The following BCR variants were observed in gnomAD, a reference collection of about 807,000 sequenced individuals.
The protein encoded by BCR is breakpoint cluster region protein.
BCR carries 58 observed loss-of-function variants against 138.6 expected under a neutral mutation model. The ratio of observed to expected loss-of-function variants is 0.42; its 90% CI spans 0.34 to 0.52. The LOEUF (loss-of-function observed/expected upper bound fraction) is 0.52, where lower values mean the gene tolerates loss of function less well. Ranked by LOEUF, BCR falls within the 20% of genes least tolerant of loss-of-function variation. BCR has a pLI of 0.06. For missense variants in BCR, 1,599 were observed against 1,727.2 expected, an observed-to-expected ratio of 0.93 and a Z score of 1.32; for synonymous variants, 786 against 730.1, an observed-to-expected ratio of 1.08 and a Z score of -1.23.
In BCR at chr22:23,261,750, A is replaced by G. The variant is rs2073359511; in HGVS notation, c.1752+210A>G. On this transcript the variant is annotated intron_variant, in intron 4 of 22. Transcript: ENST00000305877. ...CCCAGCCTTTTTTTTTTTTTTTCTAATTTATATTTATTTAGATAGTTATTT... is the reference window on the plus strand; with the variant it reads ...CCCAGCCTTTTTTTTTTTTTTTCTAGTTTATATTTATTTAGATAGTTATTT... The G allele has an allele frequency of 1.2e-5, 4 of 333,618 alleles. No individual in the cohort carries two copies. In the South Asian group the frequency reaches 2.1e-4, roughly 17 times the overall value. 20.7% of individuals were successfully genotyped at this position (333,618 alleles called of 1,614,324 possible).
rs547345439 is a variant in BCR at position 23,294,827 on chromosome 22, G to A, written c.2881-197G>A. Reference sequence around the variant, plus strand: ...AGTCGGAGCTTCTGGAAGCATCCGGGCTGGGCCACGGTCTCATGCCAGGGG... The same window carrying A: ...AGTCGGAGCTTCTGGAAGCATCCGGACTGGGCCACGGTCTCATGCCAGGGG... On this transcript the variant is annotated intron_variant, in intron 15 of 22. Coordinates refer to ENST00000305877, the MANE Select transcript of BCR (RefSeq NM_004327.4). 3.9e-5 allele frequency among the ~76,000 whole-genome samples: 6 copies of A among 152,314 alleles called. No homozygotes were observed. In the East Asian group the frequency reaches 1.2e-3, roughly 29 times the overall value.
At chr22:23,206,521 G>C (rs1390721870) in intron 1 of BCR, among the ~76,000 whole-genome samples, 2 of 151,054 alleles carry the variant, frequency 1.3e-5, no homozygotes, top group Non-Finnish European at 2.9e-5. Flanking sequence ...AGCTTGCAGT[G>C]AGCCGAGATT....
In BCR at chr22:23,263,598, G is replaced by GC; in HGVS notation, c.1752+2059dup. 3 of 1,534,064 alleles carry GC rather than the reference G, an allele frequency of 2.0e-6. No homozygotes were observed. In the Admixed American group the frequency reaches 5.0e-5, roughly 26 times the overall value. ...CCGTCAGCCTCTGGGAGTCTGCTGGGCATGATGAGGACGTTTGCCACTTTG... is the reference window on the plus strand; with the variant it reads ...CCGTCAGCCTCTGGGAGTCTGCTGGGCCATGATGAGGACGTTTGCCACTTTG... On this transcript the variant is annotated intron_variant, in intron 4 of 22. Coordinates refer to ENST00000305877, the MANE Select transcript of BCR (RefSeq NM_004327.4).
chr22:23,212,865 T>C (rs2072702773), intron 1 of BCR, among the ~76,000 whole-genome samples: 1 of 152,262 alleles, frequency 6.6e-6, no homozygotes, highest in South Asian at 2.1e-4. Context: ...TTCTGAATAT[T>C]GCCCAGACCA....
intron 6 of BCR, 84 bp downstream of exon 6, chr22:23,271,676 C>T (rs1568966147): frequency 2.2e-6 from 3 of 1,379,880 alleles, no homozygotes; most frequent in East Asian, 4.6e-5. Flanking sequence ...AAAGCAGACA[C>T]AGTGCCCACT....
intron 10 of BCR, among the ~76,000 whole-genome samples, chr22:23,286,269 C>T (rs2073711326): frequency 6.6e-6 from 1 of 152,258 alleles, no homozygotes; most frequent in South Asian, 2.1e-4. Context: ...GAGGACAAGC[C>T]CCTCAATCAA....
At chr22:23,261,671 A>T (rs1187572450) in intron 4 of BCR, 131 bp downstream of exon 4, 2 of 941,382 alleles carry the variant, frequency 2.1e-6, no homozygotes, top group Non-Finnish European at 3.1e-6. Flanking sequence ...ACCTCAAGTG[A>T]TCCACCTGCC....
At chr22:23,283,707 C>T in intron 8 of BCR, 1 of 408,044 alleles carries the variant, frequency 2.5e-6, no homozygotes, top group Non-Finnish European at 4.4e-6. Context: ...CCCCCATCCT[C>T]CCACCCTCTT....
intron 13 of BCR, 181 bp from the exon 14 acceptor site, chr22:23,290,158 G>C: frequency 1.5e-6 from 1 of 683,518 alleles, no homozygotes; most frequent in East Asian, 2.5e-5. Context: ...TGGATCCTGA[G>C]ATCCCCAAGA....
At chr22:23,239,647 A>G (rs1343863965) in intron 1 of BCR, among the ~76,000 whole-genome samples, 6 of 152,184 alleles carry the variant, frequency 3.9e-5, no homozygotes, top group Non-Finnish European at 8.8e-5. Context: ...GTAACAAAGA[A>G]CCACAAACTG....
At chr22:23,294,525 C>T (rs1004785782) in intron 15 of BCR, among the ~76,000 whole-genome samples, 2 of 152,208 alleles carry the variant, frequency 1.3e-5, no homozygotes, top group African/African-American at 4.8e-5. Context: ...CTCAGCCTTA[C>T]AAGTAGCTGG....
chr22:23,289,464 G>T (rs2073757895), intron 12 of BCR, 53 bp from the exon 13 acceptor site: 1 of 1,478,976 alleles, frequency 6.8e-7, no homozygotes, highest in African/African-American at 1.4e-5. Context: ...GGAGGGGCCA[G>T]AGGGCCAAGG....
Position 23,290,259 on chromosome 22 carries a change from G to A in BCR, c.2708-80G>A. On this transcript the variant is annotated intron_variant, in intron 13 of 22. Transcript: ENST00000305877. ...GCCACACAGTGTCCACCGGATGGTTGATTTTGAAGCAGAGTTAGCTTGTCA... is the reference window on the plus strand; with the variant it reads ...GCCACACAGTGTCCACCGGATGGTTAATTTTGAAGCAGAGTTAGCTTGTCA... 2.8e-6 allele frequency: 4 copies of A among 1,429,748 alleles called. No individual in the cohort carries two copies. In the South Asian group the frequency reaches 3.4e-5, roughly 12 times the overall value. The allele number at this position is 1,429,748 out of a possible 1,614,324, so 88.6% of individuals were successfully genotyped here.
chr22:23,196,364 G>A (rs1229158287), intron 1 of BCR, among the ~76,000 whole-genome samples: 2 of 152,178 alleles, frequency 1.3e-5, no homozygotes, highest in Non-Finnish European at 2.9e-5. Flanking sequence ...GGCAGGTGGC[G>A]AGACTCTGTG....
intron 16 of BCR, among the ~76,000 whole-genome samples, chr22:23,299,315 C>G (rs995883776): frequency 2.6e-5 from 4 of 152,212 alleles, no homozygotes; most frequent in Middle Eastern, 3.2e-3. Context: ...GTAAGTTTCT[C>G]TCCTATGGGC....
In BCR at chr22:23,261,090, G is replaced by A. The variant is rs764892702; in HGVS notation, c.1566+36G>A. Reference sequence around the variant, plus strand: ...TTTAGGGAGCTGAGCAGGGCGGGATGGGGCAGGGTGACAGGGTTGGGGAGC... The same window carrying A: ...TTTAGGGAGCTGAGCAGGGCGGGATAGGGCAGGGTGACAGGGTTGGGGAGC... On this transcript the variant is annotated intron_variant, in intron 3 of 22. Transcript: ENST00000305877. 5 of 1,590,120 alleles carry A rather than the reference G, an allele frequency of 3.1e-6. No individual in the cohort carries two copies. The South Asian group carries it at 3.3e-5, about 11-fold the overall frequency.
intron 1 of BCR, among the ~76,000 whole-genome samples, chr22:23,209,805 A>AT (rs1235731253): frequency 6.6e-6 from 1 of 151,184 alleles, no homozygotes; most frequent in African/African-American, 2.4e-5. Flanking sequence ...CTATTTTTTA[A>AT]TTTTTTTAGA....
At chr22:23,220,316 T>C (rs565405404) in intron 1 of BCR, among the ~76,000 whole-genome samples, 1 of 152,328 alleles carries the variant, frequency 6.6e-6, no homozygotes, top group Admixed American at 6.5e-5. Flanking sequence ...TGTTTGGTTC[T>C]AGGGGAGGAG....
chr22:23,189,743 A>T (rs540974628), intron 1 of BCR, among the ~76,000 whole-genome samples: 9 of 152,012 alleles, frequency 5.9e-5, no homozygotes, highest in Non-Finnish European at 1.0e-4. Context: ...CCCGTGATCC[A>T]CCCGCCTCGG....
Sources: gnomAD v4.1 joint callset for allele counts (sites outside exome capture counted in the v4.1 genomes callset) on GRCh38, gnomAD v4.1.1 for gene constraint, MANE v1.5 for transcripts, NCBI Gene and HGNC (gene_info 2026-07-23, HGNC 2026-07-21) for gene names.